Variants in PIK3C2G observed in about 807,000 individuals in gnomAD.
PIK3C2G encodes phosphatidylinositol-4-phosphate 3-kinase catalytic subunit type 2 gamma, also known as phosphatidylinositol 3-kinase C2 domain-containing subunit gamma.
PIK3C2G carries 168 observed loss-of-function variants against 181.1 expected under a neutral mutation model. The ratio of observed to expected loss-of-function variants is 0.93; its 90% CI spans 0.82 to 1.05. The LOEUF is 1.05. Among genes scored for constraint, PIK3C2G ranks in the 50% least tolerant of loss-of-function variants. The pLI is 0.00. For missense variants in PIK3C2G, 1,869 were observed against 1,732.8 expected (o/e 1.08, Z -1.40); for synonymous variants, 573 against 592.2 (o/e 0.97, Z 0.47).
intron 13 of PIK3C2G, among the ~76,000 whole-genome samples, chr12:18,374,188 T>G (rs184434582): frequency 3.3e-5 from 5 of 152,320 alleles, no homozygotes; most frequent in Admixed American, 3.3e-4. Flanking sequence ...GATTGGTCTG[T>G]GACCTGGCCT....
chr12:18,261,137 T>G (rs921922889), upstream of PIK3C2G, among the ~76,000 whole-genome samples: 3 of 152,160 alleles, frequency 2.0e-5, no homozygotes, highest in African/African-American at 7.2e-5. Flanking sequence ...TCACCTCTGC[T>G]CCTGCAAATT....
intron 30 of PIK3C2G, among the ~76,000 whole-genome samples, chr12:18,606,120 A>G (rs1020916408): frequency 3.3e-5 from 5 of 152,042 alleles, no homozygotes; most frequent in African/African-American, 1.2e-4. Flanking sequence ...TGGGTTCTGA[A>G]CTCCGGCATG....
At chr12:18,311,763 T>A (rs1310886931) in intron 5 of PIK3C2G, among the ~76,000 whole-genome samples, 1 of 151,722 alleles carries the variant, frequency 6.6e-6, no homozygotes, top group Admixed American at 6.6e-5. Context: ...AGGACAGATG[T>A]GTATATATAA....
chr12:18,620,503 CAGAT>C (rs1279968932), intron 31 of PIK3C2G, among the ~76,000 whole-genome samples: 2 of 150,250 alleles, frequency 1.3e-5, no homozygotes, highest in African/African-American at 2.4e-5. Context: ...GTGCATATGA[CAGAT>C]AGATAAATGA....
chr12:18,685,730 A>G, the PIK3C2G span: 1 of 477,866 alleles, frequency 2.1e-6, no homozygotes. Flanking sequence ...ACTGCAAAAC[A>G]TCTGCAGAAA....
At chr12:18,481,476 GGTT>G in intron 18 of PIK3C2G, among the ~76,000 whole-genome samples, 1 of 152,154 alleles carries the variant, frequency 6.6e-6, no homozygotes, top group South Asian at 2.1e-4. Context: ...CTTCATTGTA[GGTT>G]GTTTACACAA....
intron 29 of PIK3C2G, among the ~76,000 whole-genome samples, chr12:18,593,518 G>A (rs946773230): frequency 6.6e-6 from 1 of 151,880 alleles, no homozygotes; most frequent in Non-Finnish European, 1.5e-5. Context: ...GAACAGGGAG[G>A]CTGTCAGGCA....
At chr12:18,408,154 A>G (rs1592181556) in intron 16 of PIK3C2G, among the ~76,000 whole-genome samples, 1 of 152,144 alleles carries the variant, frequency 6.6e-6, no homozygotes, top group African/African-American at 2.4e-5. Context: ...TATGTTCTGA[A>G]TGGTATTGCC....
chr12:18,565,675 CGAA>C (rs1565514131), intron 28 of PIK3C2G, among the ~76,000 whole-genome samples: 1 of 152,062 alleles, frequency 6.6e-6, no homozygotes, highest in Non-Finnish European at 1.5e-5. Flanking sequence ...ACATATAACT[CGAA>C]GAAGTTTCAA....
At chr12:18,273,747 AGGACTCCATGTCTAAAACACCAAAAG>A (rs1948847440) in intron 1 of PIK3C2G, among the ~76,000 whole-genome samples, 1 of 152,228 alleles carries the variant, frequency 6.6e-6, no homozygotes, top group Non-Finnish European at 1.5e-5. Flanking sequence ...GCCATGGGCA[AGGACTCCATGTCTAAAACACCAAAAG>A]CAATGGCAAC....
chr12:18,700,538 A>AAAAAAAAAAAAAAAG, the PIK3C2G span, among the ~76,000 whole-genome samples: 4 of 135,918 alleles, frequency 2.9e-5, 1 homozygote, highest in Admixed American at 8.1e-5. Context: ...AAAAAAAAAT[A>AAAAAAAAAAAAAAAG]GTTGCTCTGC....
At chr12:18,685,197 A>T in the PIK3C2G span, among the ~76,000 whole-genome samples, 2 of 152,060 alleles carry the variant, frequency 1.3e-5, no homozygotes, top group Admixed American at 1.3e-4. Context: ...CCTTCTTTAG[A>T]CTAAGTGCTC....
chr12:18,543,522 G>C (rs1186457353), intron 25 of PIK3C2G, among the ~76,000 whole-genome samples: 1 of 151,726 alleles, frequency 6.6e-6, no homozygotes, highest in Non-Finnish European at 1.5e-5. Flanking sequence ...TATAGCTTTG[G>C]GTTTTATATT....
chr12:18,649,206 G>T (rs117340044), downstream of PIK3C2G, among the ~76,000 whole-genome samples: 2,538 of 152,148 alleles, frequency 0.017, 35 homozygotes, highest in Middle Eastern at 0.034. Context: ...TGATGGCATT[G>T]TTTCCTACAT....
intron 16 of PIK3C2G, among the ~76,000 whole-genome samples, chr12:18,418,404 G>A (rs1056792846): frequency 2.6e-5 from 4 of 152,100 alleles, no homozygotes; most frequent in African/African-American, 9.7e-5. Context: ...ATATATCAAT[G>A]AGCCAGACTG....
At chr12:18,524,904 T>G (rs1943138875) in intron 24 of PIK3C2G, among the ~76,000 whole-genome samples, 2 of 152,058 alleles carry the variant, frequency 1.3e-5, no homozygotes, top group Admixed American at 6.6e-5. Flanking sequence ...CAGATTTTTT[T>G]TTGAAGATTA....
intron 3 of PIK3C2G, among the ~76,000 whole-genome samples, chr12:18,289,597 A>G (rs1949600586): frequency 6.6e-6 from 1 of 152,200 alleles, no homozygotes; most frequent in African/African-American, 2.4e-5. Context: ...CAACAGCAGC[A>G]GCTTACTTGG....
At chr12:18,399,194 C>CA (rs536592064) in intron 15 of PIK3C2G, among the ~76,000 whole-genome samples, 14,044 of 80,260 alleles carry the variant, frequency 0.17, 1,363 homozygotes, top group Admixed American at 0.36. Flanking sequence ...GACTCCGTCT[C>CA]AAAAAAAAAA....
intron 32 of PIK3C2G, among the ~76,000 whole-genome samples, chr12:18,640,989 T>A (rs1263173872): frequency 6.6e-6 from 1 of 152,104 alleles, no homozygotes; most frequent in East Asian, 1.9e-4. Flanking sequence ...TTAATGTATA[T>A]TATAAATAGC....
Sources: allele counts gnomAD v4.1 joint callset (sites outside exome capture counted in the v4.1 genomes callset), GRCh38; gene constraint gnomAD v4.1.1; transcripts MANE v1.5; gene names NCBI Gene and HGNC (gene_info 2026-07-23, HGNC 2026-07-21).